Variants in SLCO2A1 observed in about 807,000 individuals in gnomAD.
SLCO2A1 encodes solute carrier organic anion transporter family member 2A1.
Under a neutral mutation model 71.7 loss-of-function variants are expected in SLCO2A1, and 60 were observed. That is an observed-to-expected ratio of 0.84 (90% CI 0.68 to 1.04). The LOEUF is 1.04. Ranked by LOEUF, SLCO2A1 falls within the 50% of genes least tolerant of loss-of-function variation. The pLI is 0.00. For missense variants in SLCO2A1, 745 were observed against 813.4 expected (o/e 0.92, Z 1.02); for synonymous variants, 308 against 326.7 (o/e 0.94, Z 0.62).
At chr3:134,013,738 T>C (rs530292363) in intron 1 of SLCO2A1, among the ~76,000 whole-genome samples, 9 of 152,358 alleles carry the variant, frequency 5.9e-5, no homozygotes, top group Admixed American at 5.2e-4. Flanking sequence ...AGAGCATCAA[T>C]GTTACTCCAA....
chr3:133,934,493 G>GC lies in SLCO2A1; in HGVS notation c.*219dup. 2.2e-6 allele frequency: 1 copy of GC among 446,638 alleles called. No homozygotes were observed. Among genetic ancestry groups the GC allele is most frequent in the South Asian group, 2.9e-5 (1 of 33,990 alleles). 27.7% of individuals were successfully genotyped at this position (446,638 alleles called of 1,614,324 possible). ...CTTCCAAGGGGCCAGGGAAGACTCA[G>GC]CCCCCCAGTTCTGGCCCACACAGCC... On this transcript the variant is annotated 3_prime_UTR_variant, in exon 14 of 14. Coordinates refer to ENST00000310926, the MANE Select transcript of SLCO2A1 (RefSeq NM_005630.3).
intron 5 of SLCO2A1, among the ~76,000 whole-genome samples, chr3:133,952,136 C>A (rs1933760288): frequency 6.6e-6 from 1 of 152,346 alleles, no homozygotes. Flanking sequence ...GTGGACTGGG[C>A]ACTCAGTTGC....
chr3:133,959,170 G>C (rs868074126), intron 3 of SLCO2A1, among the ~76,000 whole-genome samples: 4 of 152,178 alleles, frequency 2.6e-5, no homozygotes, highest in Admixed American at 1.3e-4. Flanking sequence ...CCTGGACCCA[G>C]TTACATTCAT....
chr3:133,968,874 C>T (rs1487856979), intron 3 of SLCO2A1, among the ~76,000 whole-genome samples: 2 of 152,216 alleles, frequency 1.3e-5, no homozygotes, highest in Non-Finnish European at 2.9e-5. Flanking sequence ...ATTTCCGGAC[C>T]CCACTGACAT....
intron 1 of SLCO2A1, among the ~76,000 whole-genome samples, chr3:133,988,918 A>G (rs1934774504): frequency 6.6e-6 from 1 of 152,238 alleles, no homozygotes. Context: ...GTCTGGGGGC[A>G]GGGAATCTAA....
chr3:133,937,069 C>G (rs1025970260), intron 12 of SLCO2A1, among the ~76,000 whole-genome samples: 2 of 152,074 alleles, frequency 1.3e-5, no homozygotes, highest in Non-Finnish European at 2.9e-5. Context: ...AATGGAAAAG[C>G]AAAAGCAGCG....
intron 1 of SLCO2A1, among the ~76,000 whole-genome samples, chr3:134,021,003 A>G (rs1008932039): frequency 1.3e-5 from 2 of 152,188 alleles, no homozygotes; most frequent in African/African-American, 4.8e-5. Context: ...GCGTGGCCTC[A>G]TCACCCACGG....
intron 7 of SLCO2A1, 80 bp from the exon 8 acceptor site, chr3:133,948,780 C>G (rs1298132529): frequency 6.3e-6 from 10 of 1,592,434 alleles, no homozygotes; most frequent in Non-Finnish European, 8.6e-6. Context: ...GTTACAGGCC[C>G]TCTGCTCCTA....
chr3:133,951,061 T>G (rs895308133), intron 6 of SLCO2A1, 147 bp downstream of exon 6: 2 of 1,064,084 alleles, frequency 1.9e-6, no homozygotes, highest in Non-Finnish European at 1.5e-6. Context: ...TCTTAAAGCC[T>G]CTGGGAAGTC....
At chr3:133,985,274 G>A (rs553322606) in intron 1 of SLCO2A1, among the ~76,000 whole-genome samples, 2 of 152,290 alleles carry the variant, frequency 1.3e-5, no homozygotes, top group South Asian at 4.1e-4. Flanking sequence ...GCATATTAAA[G>A]GTTCTGAGTT....
At chr3:134,000,050 G>C (rs1935071249) in intron 1 of SLCO2A1, among the ~76,000 whole-genome samples, 1 of 152,186 alleles carries the variant, frequency 6.6e-6, no homozygotes, top group Admixed American at 6.5e-5. Flanking sequence ...AGTGGCCAGG[G>C]GACAGCAGAG....
chr3:133,968,284 C>T (rs1381234208), intron 3 of SLCO2A1, among the ~76,000 whole-genome samples: 1 of 151,776 alleles, frequency 6.6e-6, no homozygotes, highest in African/African-American at 2.4e-5. Context: ...CACCTATACA[C>T]AATTACCCAC....
At chr3:133,944,386 G>A (rs770056982) in intron 10 of SLCO2A1, among the ~76,000 whole-genome samples, 1 of 152,190 alleles carries the variant, frequency 6.6e-6, no homozygotes, top group Non-Finnish European at 1.5e-5. Context: ...TCTGTTTATT[G>A]AATAACTAAA....
At chr3:133,956,025 T>A (rs948546493) in intron 3 of SLCO2A1, among the ~76,000 whole-genome samples, 3 of 152,148 alleles carry the variant, frequency 2.0e-5, no homozygotes, top group Non-Finnish European at 4.4e-5. Flanking sequence ...GTTTTTAATT[T>A]GGCCCACACT....
At chr3:133,938,597 T>A in intron 11 of SLCO2A1, 104 bp from the exon 12 acceptor site, 1 of 1,029,056 alleles carries the variant, frequency 9.7e-7, no homozygotes. Flanking sequence ...AGCCCTGATG[T>A]GGCCTGACGA....
At chr3:133,998,371 A>T (rs1375907913) in intron 1 of SLCO2A1, among the ~76,000 whole-genome samples, 1 of 152,210 alleles carries the variant, frequency 6.6e-6, no homozygotes. Flanking sequence ...GGGGACAGCC[A>T]GGCCTCCTGT....
At chr3:134,014,318 A>G (rs1241967306) in intron 1 of SLCO2A1, among the ~76,000 whole-genome samples, 2 of 152,142 alleles carry the variant, frequency 1.3e-5, no homozygotes, top group African/African-American at 4.8e-5. Context: ...GTGAGCCTCC[A>G]TAGCTTTTCC....
At chr3:133,977,472 C>T (rs1182109132) in intron 2 of SLCO2A1, among the ~76,000 whole-genome samples, 1 of 152,176 alleles carries the variant, frequency 6.6e-6, no homozygotes, top group Non-Finnish European at 1.5e-5. Context: ...TTGTTCCAAG[C>T]ATAGGGTCAA....
chr3:133,979,438 T>C (rs753656655), intron 2 of SLCO2A1, 43 bp downstream of exon 2: 28 of 1,612,662 alleles, frequency 1.7e-5, no homozygotes, highest in Non-Finnish European at 2.4e-5. Context: ...GTGGTCAGCG[T>C]GGTGCACAAG....
Sources: allele counts gnomAD v4.1 joint callset (sites outside exome capture counted in the v4.1 genomes callset), GRCh38; gene constraint gnomAD v4.1.1; transcripts MANE v1.5; gene names NCBI Gene and HGNC (gene_info 2026-07-23, HGNC 2026-07-21).